The following SDK1 variants were observed in gnomAD, a reference collection of about 807,000 sequenced individuals.
SDK1 encodes sidekick cell adhesion molecule 1.
Under a neutral mutation model 245.5 loss-of-function variants are expected in SDK1, and 157 were observed. The observed-to-expected ratio is 0.64, with a 90% CI of 0.56 to 0.73. SDK1 has a LOEUF of 0.73. Ranked by LOEUF, SDK1 falls within the 30% of genes least tolerant of loss-of-function variation. The probability of loss-of-function intolerance (pLI) is 0.00; values close to 1 mark genes in which losing one functional copy is unlikely to be tolerated. For synonymous variants in SDK1, 1,647 were observed against 1,278.5 expected (o/e 1.29, Z -6.15); for missense variants, 3,583 against 3,002.3 (o/e 1.19, Z -4.52).
At chr7:3,450,712 G>C in intron 1 of SDK1, among the ~76,000 whole-genome samples, 1 of 152,162 alleles carries the variant, frequency 6.6e-6, no homozygotes, top group Admixed American at 6.6e-5. Context: ...CTTAGCTCAT[G>C]TGAAAAGAGT....
At chr7:3,423,505 A>C (rs925084952) in intron 1 of SDK1, among the ~76,000 whole-genome samples, 1 of 152,004 alleles carries the variant, frequency 6.6e-6, no homozygotes, top group Non-Finnish European at 1.5e-5. Flanking sequence ...GAATATAAAA[A>C]CAAATTCGGG....
chr7:4,051,225 T>C (rs1789452924), intron 18 of SDK1, among the ~76,000 whole-genome samples: 1 of 142,576 alleles, frequency 7.0e-6, no homozygotes, highest in African/African-American at 2.6e-5. Context: ...TAACATATAC[T>C]ATATATGTTA....
intron 1 of SDK1, among the ~76,000 whole-genome samples, chr7:3,604,497 C>T (rs1273432171): frequency 6.6e-6 from 1 of 151,992 alleles, no homozygotes; most frequent in Non-Finnish European, 1.5e-5. Flanking sequence ...TCTTTAGCTG[C>T]ATCTCACACA....
At chr7:3,839,663 T>TA (rs1029576024) in intron 5 of SDK1, among the ~76,000 whole-genome samples, 4 of 152,144 alleles carry the variant, frequency 2.6e-5, no homozygotes, top group Non-Finnish European at 5.9e-5. Flanking sequence ...ATGAACTAAT[T>TA]AAAAAAAGAA....
chr7:4,090,637 A>G (rs1165328904), intron 22 of SDK1, among the ~76,000 whole-genome samples: 3 of 151,612 alleles, frequency 2.0e-5, no homozygotes, highest in Non-Finnish European at 2.9e-5. Flanking sequence ...GATGTTCCCA[A>G]CTCATCTTGT....
chr7:4,172,968 T>C (rs977664173), intron 32 of SDK1, among the ~76,000 whole-genome samples: 1 of 152,142 alleles, frequency 6.6e-6, no homozygotes, highest in Non-Finnish European at 1.5e-5. Flanking sequence ...CCAAATAAGG[T>C]CAGGTTCACA....
intron 14 of SDK1, among the ~76,000 whole-genome samples, chr7:4,000,081 C>G (rs1428957430): frequency 6.6e-6 from 1 of 152,116 alleles, no homozygotes; most frequent in Non-Finnish European, 1.5e-5. Context: ...GGGCCTGGAG[C>G]AGGAAGGTGG....
At chr7:3,766,355 T>C (rs1320238616) in intron 4 of SDK1, among the ~76,000 whole-genome samples, 1 of 152,198 alleles carries the variant, frequency 6.6e-6, no homozygotes, top group Non-Finnish European at 1.5e-5. Context: ...TACTCACTTA[T>C]TTTTCACTTC....
At chr7:3,585,673 G>A (rs1780663759) in intron 1 of SDK1, among the ~76,000 whole-genome samples, 1 of 152,178 alleles carries the variant, frequency 6.6e-6, no homozygotes, top group African/African-American at 2.4e-5. Flanking sequence ...GGTGTGCTGA[G>A]GTGGCTCTGA....
chr7:4,021,884 C>T (rs1447192258), intron 17 of SDK1, among the ~76,000 whole-genome samples: 1 of 152,216 alleles, frequency 6.6e-6, no homozygotes, highest in Non-Finnish European at 1.5e-5. Context: ...CAATGGGCTC[C>T]TGGCTTGCCT....
intron 31 of SDK1, among the ~76,000 whole-genome samples, chr7:4,160,528 C>T (rs1781046470): frequency 6.6e-6 from 1 of 152,180 alleles, no homozygotes; most frequent in Admixed American, 6.5e-5. Flanking sequence ...GTTGTATTGT[C>T]TTACACTATC....
chr7:4,103,708 G>A lies in SDK1; in HGVS notation c.3325-6955G>A, dbSNP rs147627804. The stretch of plus-strand genomic sequence containing the variant: ...CCCTGGGAGAGATGCTGGAGGTGCA[G>A]GGATGCGTGAGACCCTGACCTTGCC... On this transcript the variant is annotated intron_variant, in intron 22 of 44. Coordinates refer to ENST00000404826, the MANE Select transcript of SDK1 (RefSeq NM_152744.4). Among the ~76,000 whole-genome samples, 499 of 152,354 alleles carry A rather than the reference G, an allele frequency of 3.3e-3. 2 individuals carry two copies. The highest frequency in any genetic ancestry group is 0.011 in the African/African-American group (472 of 41,590).
chr7:3,778,518 C>T (rs1015759518), intron 4 of SDK1, among the ~76,000 whole-genome samples: 4 of 152,172 alleles, frequency 2.6e-5, no homozygotes, highest in African/African-American at 9.7e-5. Context: ...TTTCATCTAA[C>T]AGTTATTTCT....
At chr7:3,682,701 A>C (rs1162089291) in intron 4 of SDK1, among the ~76,000 whole-genome samples, 2 of 147,576 alleles carry the variant, frequency 1.4e-5, no homozygotes, top group Admixed American at 1.4e-4. Flanking sequence ...GGGGATCTCA[A>C]ATCAAGCGTT....
intron 5 of SDK1, among the ~76,000 whole-genome samples, chr7:3,918,801 G>C (rs1779481957): frequency 6.6e-6 from 1 of 152,084 alleles, no homozygotes; most frequent in South Asian, 2.1e-4. Context: ...GTTCTACCGA[G>C]AGACTTCCTG....
At chr7:3,335,639 G>A (rs909897211) in intron 1 of SDK1, among the ~76,000 whole-genome samples, 3 of 152,144 alleles carry the variant, frequency 2.0e-5, no homozygotes, top group Admixed American at 6.5e-5. Flanking sequence ...GTAAGAAATA[G>A]TAGTAAAATA....
intron 5 of SDK1, among the ~76,000 whole-genome samples, chr7:3,834,135 A>C (rs1779977753): frequency 2.6e-5 from 4 of 152,100 alleles, no homozygotes; most frequent in Non-Finnish European, 5.9e-5. Flanking sequence ...TTGAAGTATG[A>C]TTTTCTTTGG....
At chr7:3,446,697 A>G (rs1178655991) in intron 1 of SDK1, among the ~76,000 whole-genome samples, 1 of 152,162 alleles carries the variant, frequency 6.6e-6, no homozygotes, top group Non-Finnish European at 1.5e-5. Flanking sequence ...AAACAAGACA[A>G]AATTATTATT....
chr7:4,168,902 C>A (rs1366867932), intron 32 of SDK1, among the ~76,000 whole-genome samples: 2 of 152,190 alleles, frequency 1.3e-5, no homozygotes, highest in East Asian at 3.9e-4. Flanking sequence ...GCCCAGACTC[C>A]AGCCACTCCC....
Sources: gnomAD v4.1 joint callset for allele counts (sites outside exome capture counted in the v4.1 genomes callset) on GRCh38, gnomAD v4.1.1 for gene constraint, MANE v1.5 for transcripts, NCBI Gene and HGNC (gene_info 2026-07-23, HGNC 2026-07-21) for gene names.